Variants in DLGAP2 observed in about 807,000 individuals in gnomAD.
The protein encoded by DLGAP2 is DLG associated protein 2.
DLGAP2 carries 26 observed loss-of-function variants against 100.3 expected under a neutral mutation model. The ratio of observed to expected loss-of-function variants is 0.26; its 90% CI spans 0.19 to 0.36. The LOEUF (loss-of-function observed/expected upper bound fraction) is 0.36, where lower values mean the gene tolerates loss of function less well. Ranked by LOEUF, DLGAP2 falls within the 10% of genes least tolerant of loss-of-function variation. The pLI, the probability that DLGAP2 is intolerant of heterozygous loss-of-function variation, is 1.00. For synonymous variants in DLGAP2, 886 were observed against 630.1 expected (o/e 1.41, Z -6.08); for missense variants, 1,858 against 1,453.2 (o/e 1.28, Z -4.53).
At chr8:926,607 G>A (rs1281016446) in intron 2 of DLGAP2, among the ~76,000 whole-genome samples, 4 of 152,244 alleles carry the variant, frequency 2.6e-5, no homozygotes, top group Admixed American at 6.5e-5. Flanking sequence ...AGGTTTCACC[G>A]GGTGGCACAG....
intron 7 of DLGAP2, among the ~76,000 whole-genome samples, chr8:1,631,036 G>A (rs57617649): frequency 0.063 from 9,430 of 149,504 alleles, 829 homozygotes; most frequent in African/African-American, 0.19. Flanking sequence ...GGGTCTGGGC[G>A]GGAGGTCCGG....
chr8:1,422,471 A>T (rs189541489), intron 3 of DLGAP2, among the ~76,000 whole-genome samples: 553 of 152,130 alleles, frequency 3.6e-3, no homozygotes, highest in Non-Finnish European at 4.9e-3. Flanking sequence ...GATGCCAGGG[A>T]AACCTCTCCT....
At chr8:985,471 G>T (rs572230025) in intron 2 of DLGAP2, among the ~76,000 whole-genome samples, 2 of 152,234 alleles carry the variant, frequency 1.3e-5, no homozygotes, top group Non-Finnish European at 2.9e-5. Context: ...CAGCACATCC[G>T]TAGTCTCAAA....
At chr8:1,551,185 T>C (rs763085381) in intron 5 of DLGAP2, among the ~76,000 whole-genome samples, 2 of 152,258 alleles carry the variant, frequency 1.3e-5, no homozygotes, top group African/African-American at 2.4e-5. Flanking sequence ...TTTATAGCAA[T>C]GGAAGAGGCA....
At chr8:1,509,498 C>G (rs548101795) in intron 4 of DLGAP2, among the ~76,000 whole-genome samples, 1 of 151,568 alleles carries the variant, frequency 6.6e-6, no homozygotes, top group Non-Finnish European at 1.5e-5. Flanking sequence ...AGTTTGAAAG[C>G]CCTTGGCAGG....
intron 6 of DLGAP2, among the ~76,000 whole-genome samples, chr8:1,618,758 G>T (rs1797237323): frequency 6.6e-6 from 1 of 151,984 alleles, no homozygotes; most frequent in South Asian, 2.1e-4. Flanking sequence ...TCATTGGGGG[G>T]ATCTCCGTGC....
At position 1,188,996 on chromosome 8, in the gene DLGAP2, G is replaced by T. The variant is rs140606379; in HGVS notation, c.74-69855G>T. Among the ~76,000 whole-genome samples, 769 of 122,502 alleles carry T rather than the reference G, an allele frequency of 6.3e-3. 11 individuals are homozygous for T. The highest frequency in any genetic ancestry group is 0.04 in the African/African-American group (665 of 16,542). 80.4% of individuals were successfully genotyped at this position (122,502 alleles called of 152,430 possible). On this transcript the variant is annotated intron_variant, in intron 2 of 14. Transcript: ENST00000637795. Reference sequence around the variant, plus strand: ...GGTTCGGGCCCCAGGCCGGTTCCGCGGTTGGGGTTGACCTTACACAGGGTT... The same window carrying T: ...GGTTCGGGCCCCAGGCCGGTTCCGCTGTTGGGGTTGACCTTACACAGGGTT...
intron 3 of DLGAP2, among the ~76,000 whole-genome samples, chr8:1,378,697 C>T (rs1025416475): frequency 2.0e-5 from 3 of 152,236 alleles, no homozygotes; most frequent in African/African-American, 7.2e-5. Flanking sequence ...TTCCTCTGTG[C>T]TTTCATCACC....
At chr8:1,471,332 C>G (rs375236637) in intron 3 of DLGAP2, among the ~76,000 whole-genome samples, 8 of 63,204 alleles carry the variant, frequency 1.3e-4, no homozygotes, top group African/African-American at 1.9e-4. Flanking sequence ...CCCGACCCCT[C>G]CAGCCTTTCC....
intron 2 of DLGAP2, among the ~76,000 whole-genome samples, chr8:1,003,624 C>T (rs899374173): frequency 6.6e-6 from 1 of 152,234 alleles, no homozygotes; most frequent in African/African-American, 2.4e-5. Flanking sequence ...CTCTTCTGCT[C>T]TGTGATGTGA....
intron 1 of DLGAP2, among the ~76,000 whole-genome samples, chr8:819,298 A>G (rs779179151): frequency 1.3e-5 from 2 of 152,256 alleles, no homozygotes; most frequent in Non-Finnish European, 2.9e-5. Flanking sequence ...TAGATATCGT[A>G]GGACCTTTAA....
chr8:1,437,440 G>A lies in DLGAP2; in HGVS notation c.107-63926G>A, dbSNP rs80189056. Among the ~76,000 whole-genome samples, 831 of 152,302 alleles carry A rather than the reference G, an allele frequency of 5.5e-3. 9 individuals are homozygous for A. Among genetic ancestry groups the A allele is most frequent in the African/African-American group, 0.019 (803 of 41,570 alleles). ...AATGATGGAACGTAGAACCCCACTGGTTTGTAGCGTAAGACGATGTTTTCG... is the reference window on the plus strand; with the variant it reads ...AATGATGGAACGTAGAACCCCACTGATTTGTAGCGTAAGACGATGTTTTCG... On this transcript the variant is annotated intron_variant, in intron 3 of 14. Coordinates refer to ENST00000637795, the MANE Select transcript of DLGAP2 (RefSeq NM_001346810.2).
At chr8:1,429,610 CCA>C (rs1797349980) in intron 3 of DLGAP2, among the ~76,000 whole-genome samples, 1 of 152,020 alleles carries the variant, frequency 6.6e-6, no homozygotes, top group Non-Finnish European at 1.5e-5. Flanking sequence ...AGACAGTCAT[CCA>C]CAGCCACTGA....
At chr8:1,318,643 G>C (rs750465922) in intron 3 of DLGAP2, among the ~76,000 whole-genome samples, 5 of 151,754 alleles carry the variant, frequency 3.3e-5, no homozygotes, top group Admixed American at 3.3e-4. Context: ...ACGAAAATGG[G>C]ATCTGTGGCT....
intron 3 of DLGAP2, among the ~76,000 whole-genome samples, chr8:1,412,879 C>A (rs554102155): frequency 6.6e-6 from 1 of 152,296 alleles, no homozygotes. Context: ...GTGCCTCTCG[C>A]ATGCTATTTC....
intron 1 of DLGAP2, chr8:893,044 G>A (rs1798068311): frequency 6.6e-6 from 1 of 152,232 alleles, no homozygotes; most frequent in African/African-American, 2.4e-5. Flanking sequence ...ACGTCCAGAG[G>A]AAAGCCCGGG....
intron 1 of DLGAP2, among the ~76,000 whole-genome samples, chr8:752,490 G>T (rs1472134140): frequency 6.6e-6 from 1 of 152,200 alleles, no homozygotes; most frequent in African/African-American, 2.4e-5. Flanking sequence ...AGGCCTGATG[G>T]CAGGGCCCGG....
At chr8:943,342 G>C in intron 2 of DLGAP2, among the ~76,000 whole-genome samples, 1 of 152,206 alleles carries the variant, frequency 6.6e-6, no homozygotes, top group South Asian at 2.1e-4. Context: ...TTTTTAATGT[G>C]AAGTCCTTGA....
chr8:1,526,480 A>G (rs187771014), intron 4 of DLGAP2, among the ~76,000 whole-genome samples: 1 of 152,256 alleles, frequency 6.6e-6, no homozygotes, highest in African/African-American at 2.4e-5. Context: ...AATCATGGGC[A>G]GTGCTGCCTC....
Sources: allele counts gnomAD v4.1 joint callset (sites outside exome capture counted in the v4.1 genomes callset), GRCh38; gene constraint gnomAD v4.1.1; transcripts MANE v1.5; gene names NCBI Gene and HGNC (gene_info 2026-07-23, HGNC 2026-07-21).